The following ARID1A variants were observed in gnomAD, a reference collection of about 807,000 sequenced individuals.
The protein encoded by ARID1A is AT-rich interactive domain-containing protein 1A.
ARID1A carries 20 observed loss-of-function variants against 212.6 expected under a neutral mutation model. The observed-to-expected ratio is 0.09, with a 90% CI of 0.07 to 0.14. The LOEUF (loss-of-function observed/expected upper bound fraction) is 0.14, where lower values mean the gene tolerates loss of function less well. Ranked by LOEUF, ARID1A falls within the 10% of genes least tolerant of loss-of-function variation. The pLI is 1.00. For synonymous variants in ARID1A, 1,376 were observed against 1,222.1 expected, an observed-to-expected ratio of 1.13 and a Z score of -2.63; for missense variants, 2,587 against 3,059.0, an observed-to-expected ratio of 0.85 and a Z score of 3.64.
rs2124121351 is a variant in ARID1A at position 26,774,892 on chromosome 1, T to C, written c.4665T>C (p.Tyr1555=). The C allele has an allele frequency of 4.0e-6, 6 of 1,505,478 alleles. No individual in the cohort carries two copies. The highest frequency in any genetic ancestry group is 5.3e-6 in the Non-Finnish European group (6 of 1,122,804). The allele number at this position is 1,505,478 out of a possible 1,614,324, so 93.3% of individuals were successfully genotyped here. ...CCCATGGCACACGCCAGCCCCCATA[T>C]GGTCCCTCTGCCCCTGTGCCCCCCA... The part of the protein sequence containing the change: ...WPSHGTRQPP[Y]GPSAPVPPMT... Residue 1555 remains tyrosine (Y), a synonymous_variant, in exon 18 of 20, where the codon TAT becomes TAC. Coordinates refer to ENST00000324856, the MANE Select transcript of ARID1A (RefSeq NM_006015.6). The surrounding 1 kb of genome is among the most constrained non-coding windows in gnomAD (Gnocchi z 5.6).
Position 26,732,750 on chromosome 1 carries a change from A to G in ARID1A, c.1878A>G (p.Glu626=), listed in dbSNP as rs1227438473. Residue 626 remains glutamate, a synonymous_variant, in exon 4 of 20, where the codon GAA becomes GAG. Coordinates refer to ENST00000324856, the MANE Select transcript of ARID1A (RefSeq NM_006015.6). ...PSMTSSKGGQ[E]DMNLSLQSRP... ...TGACCTCCAGTAAGGGAGGGCAAGAAGATATGAACCTGAGCCTTCAGTCAA... is the reference window on the plus strand; with the variant it reads ...TGACCTCCAGTAAGGGAGGGCAAGAGGATATGAACCTGAGCCTTCAGTCAA... 5.0e-6 allele frequency: 8 copies of G among 1,614,118 alleles called. No homozygotes were observed. The highest frequency in any genetic ancestry group is 6.8e-6 in the Non-Finnish European group (8 of 1,179,984).
At chr1:26,709,462 T>C (rs975356699) in intron 1 of ARID1A, among the ~76,000 whole-genome samples, 3 of 152,042 alleles carry the variant, frequency 2.0e-5, no homozygotes, top group Non-Finnish European at 2.9e-5. Context: ...ATTGCAGCAC[T>C]ACCATGGAAG....
At position 26,779,209 on chromosome 1, in the gene ARID1A, C is replaced by A. The variant is rs187631645; in HGVS notation, c.5311C>A (p.Pro1771Thr). 6.2e-7 allele frequency: 1 copy of A among 1,613,016 alleles called. No individual in the cohort carries two copies. The highest frequency in any genetic ancestry group is 1.7e-5 in the Admixed American group (1 of 59,938). ...GGEEEEELLG[P>T]KLEEEEEEEV... ...GGAAGAAGAAGAAGAACTTCTAGGT[C>A]CTAAACTAGAAGAGGAAGAAGAAGA... Residue 1771 changes from proline to threonine, a missense_variant, in exon 20 of 20, where the codon CCT (proline) becomes ACT (threonine). Around this residue, in one of 11 missense-constraint regions of ARID1A, gnomAD observed 890 missense variants for 1,098.2 expected, o/e 0.81. Coordinates refer to ENST00000324856, the MANE Select transcript of ARID1A (RefSeq NM_006015.6).
chr1:26,742,731 G>A (rs2080799835), intron 4 of ARID1A, among the ~76,000 whole-genome samples: 2 of 152,170 alleles, frequency 1.3e-5, no homozygotes, highest in Non-Finnish European at 2.9e-5. Flanking sequence ...AGCACTGTGG[G>A]AGGCTGAGGC....
At chr1:26,752,085 T>C (rs1048401768) in intron 4 of ARID1A, among the ~76,000 whole-genome samples, 29 of 152,218 alleles carry the variant, frequency 1.9e-4, no homozygotes, top group Middle Eastern at 3.2e-3. Context: ...TTCCAAACCA[T>C]GGAGGTAGTC....
rs1316069532 is a variant in ARID1A, at chr1:26,768,018, C to T, written c.3198+19C>T. 4.3e-6 allele frequency: 7 copies of T among 1,611,174 alleles called. 1 individual carries two copies. The South Asian group carries it at 6.6e-5, about 15-fold the overall frequency. ...GACTCAGGTGAGTGGGCGCCTGACA[C>T]TTGACTGCCCCTGTGGTTTCCACAA... On this transcript the variant is annotated intron_variant, in intron 11 of 19. Coordinates refer to ENST00000324856, the MANE Select transcript of ARID1A (RefSeq NM_006015.6).
chr1:26,706,424 T>C (rs2080392829), intron 1 of ARID1A, among the ~76,000 whole-genome samples: 1 of 152,232 alleles, frequency 6.6e-6, no homozygotes, highest in Non-Finnish European at 1.5e-5. Flanking sequence ...GTTGTTGTGA[T>C]ATCAGTCAAT....
chr1:26,728,090 T>C (rs2124782589), intron 1 of ARID1A, among the ~76,000 whole-genome samples: 1 of 152,356 alleles, frequency 6.6e-6, no homozygotes, highest in African/African-American at 2.4e-5. Flanking sequence ...GTTAGGATTG[T>C]TGGCAACAGT....
At chr1:26,697,920 T>A (rs992346656) in intron 1 of ARID1A, among the ~76,000 whole-genome samples, 5 of 151,976 alleles carry the variant, frequency 3.3e-5, no homozygotes, top group African/African-American at 9.7e-5. Flanking sequence ...AGGAGTTGAA[T>A]GAACGTTTCT....
chr1:26,723,769 G>A (rs906351303), intron 1 of ARID1A, among the ~76,000 whole-genome samples: 2 of 152,032 alleles, frequency 1.3e-5, no homozygotes, highest in Non-Finnish European at 2.9e-5. Context: ...GCACCAGAGG[G>A]ATCACAGTAC....
At chr1:26,773,122 C>G (rs192021805) in intron 14 of ARID1A, 135 bp downstream of exon 14, 26 of 1,301,484 alleles carry the variant, frequency 2.0e-5, no homozygotes. Context: ...CTAACTACCC[C>G]TCTTCATCCT....
rs1329769026 is a variant in ARID1A, at chr1:26,780,552, G to A, written c.6654G>A (p.Met2218Ile). 1.9e-6 allele frequency: 3 copies of A among 1,614,136 alleles called. No individual in the cohort carries two copies. Residue 2218 changes from methionine (M) to isoleucine (I), a missense_variant, in exon 20 of 20, where the codon ATG becomes ATA. This residue lies in a region of ARID1A where 24 missense variants were observed against 16.5 expected (regional missense o/e 1.46). Coordinates refer to ENST00000324856, the MANE Select transcript of ARID1A (RefSeq NM_006015.6). This position sits in a 1 kb window ranked among gnomAD's most constrained non-coding sequence, Gnocchi z 7.2. ...FQQSQASLLH[M>I]QNPPFEPTSV... Reference sequence around the variant, plus strand: ...AGAGCCAGGCCAGCCTCCTCCACATGCAGAACCCACCCTTTGAGCCAACTA... The same window carrying A: ...AGAGCCAGGCCAGCCTCCTCCACATACAGAACCCACCCTTTGAGCCAACTA...
At chr1:26,730,057 A>G (rs1175993602) in intron 2 of ARID1A, among the ~76,000 whole-genome samples, 194 bp downstream of exon 2, 1 of 152,202 alleles carries the variant, frequency 6.6e-6, no homozygotes, top group African/African-American at 2.4e-5. Context: ...AAGGAAAACT[A>G]CTTACTCCCT....
intron 4 of ARID1A, among the ~76,000 whole-genome samples, chr1:26,756,150 G>C (rs1036091470): frequency 6.6e-6 from 1 of 151,954 alleles, no homozygotes; most frequent in African/African-American, 2.4e-5. Flanking sequence ...AGTGGCTCAT[G>C]CCTGTAATCC....
chr1:26,768,463 G>T (rs1397020359), intron 11 of ARID1A, among the ~76,000 whole-genome samples: 1 of 152,102 alleles, frequency 6.6e-6, no homozygotes, highest in African/African-American at 2.4e-5. Flanking sequence ...ACTGTCAAAA[G>T]TTAGAAATAA....
intron 1 of ARID1A, 85 bp from the exon 2 acceptor site, chr1:26,729,566 T>G: frequency 6.7e-7 from 1 of 1,486,416 alleles, no homozygotes; most frequent in Non-Finnish European, 9.4e-7. Flanking sequence ...GCATACAGAC[T>G]AAAAAAACCT....
chr1:26,771,115 A>G lies in ARID1A; in HGVS notation c.3199-4A>G, dbSNP rs751319050. 1 of 1,614,232 alleles carries G rather than the reference A, an allele frequency of 6.2e-7. No homozygotes were observed. Among genetic ancestry groups the G allele is most frequent in the East Asian group, 2.2e-5 (1 of 44,886 alleles). On this transcript the variant is annotated splice_polypyrimidine_tract_variant and splice_region_variant and intron_variant, in intron 11 of 19. Coordinates refer to ENST00000324856, the MANE Select transcript of ARID1A (RefSeq NM_006015.6). The surrounding 1 kb of genome is among the most constrained non-coding windows in gnomAD (Gnocchi z 5.4). ...ACCTCGACTCCTTTGGTTTGGTTATACAGGTCAACAAGAACAAAAAATGGC... is the reference window on the plus strand; with the variant it reads ...ACCTCGACTCCTTTGGTTTGGTTATGCAGGTCAACAAGAACAAAAAATGGC...
At chr1:26,721,925 ACT>A (rs1413703461) in intron 1 of ARID1A, among the ~76,000 whole-genome samples, 3 of 151,708 alleles carry the variant, frequency 2.0e-5, no homozygotes, top group Non-Finnish European at 4.4e-5. Flanking sequence ...TGATTCAATG[ACT>A]CTTCCCCTTT....
chr1:26,708,693 T>C (rs1303892073), intron 1 of ARID1A, among the ~76,000 whole-genome samples: 3 of 150,450 alleles, frequency 2.0e-5, no homozygotes, highest in Non-Finnish European at 4.5e-5. Flanking sequence ...GCAGGGATTA[T>C]TGTCTTTTTT....
Sources: allele counts gnomAD v4.1 joint callset (sites outside exome capture counted in the v4.1 genomes callset), GRCh38; gene constraint gnomAD v4.1.1; regional missense constraint gnomAD v4.1.1; non-coding constraint Gnocchi (gnomAD v3.1); transcripts MANE v1.5; gene names NCBI Gene and HGNC (gene_info 2026-07-23, HGNC 2026-07-21).